The following FOXN3 variants were observed in gnomAD, a reference collection of about 807,000 sequenced individuals.
The protein encoded by FOXN3 is forkhead box protein N3.
A neutral mutation model predicts 38.4 loss-of-function variants in FOXN3; 7 were observed. The observed-to-expected ratio is 0.18, with a 90% CI of 0.10 to 0.34. FOXN3 has a LOEUF of 0.34. Among genes scored for constraint, FOXN3 ranks in the 10% least tolerant of loss-of-function variants. The pLI, the probability that FOXN3 is intolerant of heterozygous loss-of-function variation, is 1.00. For synonymous variants in FOXN3, 230 were observed against 242.2 expected (o/e 0.95, Z 0.47); for missense variants, 456 against 613.4 (o/e 0.74, Z 2.71).
chr14:89,553,832 T>A lies in FOXN3; in HGVS notation c.-15+65196A>T, dbSNP rs1895058661. ...TCAGAACGGTGAAAATAAAATCACT[T>A]TTTGCAGTTGTAAGGAGTCAACACA... On this transcript the variant is annotated intron_variant, in intron 1 of 6. Transcript: ENST00000345097. Among the ~76,000 whole-genome samples the A allele has an allele frequency of 4.6e-5, 7 of 152,244 alleles. No homozygotes were observed. In the South Asian group the frequency reaches 1.5e-3, roughly 32 times the overall value.
chr14:89,195,017 G>A (rs904076534), intron 4 of FOXN3, among the ~76,000 whole-genome samples: 5 of 152,084 alleles, frequency 3.3e-5, no homozygotes, highest in Admixed American at 6.6e-5. Context: ...TTTTTCTACG[G>A]TGAGAATTTT....
At chr14:89,489,315 T>G (rs771240265) in intron 1 of FOXN3, among the ~76,000 whole-genome samples, 2 of 152,254 alleles carry the variant, frequency 1.3e-5, no homozygotes, top group African/African-American at 4.8e-5. Flanking sequence ...TATAGAGGTA[T>G]AGAATTATCC....
At chr14:89,357,058 G>A (rs1017089354) in intron 2 of FOXN3, among the ~76,000 whole-genome samples, 2 of 152,068 alleles carry the variant, frequency 1.3e-5, no homozygotes, top group South Asian at 2.1e-4. Context: ...GACAGCTCCC[G>A]AATGTACTCT....
intron 1 of FOXN3, among the ~76,000 whole-genome samples, chr14:89,588,898 A>AT (rs779772191): frequency 6.6e-6 from 1 of 152,220 alleles, no homozygotes; most frequent in East Asian, 1.9e-4. Context: ...TCTAGTTCCC[A>AT]TGACTGAAAT....
intron 1 of FOXN3, among the ~76,000 whole-genome samples, chr14:89,468,543 A>G (rs1893029917): frequency 6.6e-6 from 1 of 152,162 alleles, no homozygotes; most frequent in African/African-American, 2.4e-5. Flanking sequence ...TATGATCTTG[A>G]GCAGATTATA....
intron 4 of FOXN3, among the ~76,000 whole-genome samples, chr14:89,238,181 C>T (rs1453901909): frequency 6.6e-6 from 1 of 152,134 alleles, no homozygotes; most frequent in African/African-American, 2.4e-5. Context: ...ACTGGGAATC[C>T]CCGCAGGTGA....
At chr14:89,288,759 TA>T (rs1886760334) in intron 3 of FOXN3, among the ~76,000 whole-genome samples, 2 of 89,234 alleles carry the variant, frequency 2.2e-5, no homozygotes, top group Non-Finnish European at 4.6e-5. Flanking sequence ...TATATATATA[TA>T]TATATATATG....
chr14:89,401,769 C>G, intron 2 of FOXN3: 1 of 409,126 alleles, frequency 2.4e-6, no homozygotes, highest in Non-Finnish European at 4.9e-6. Flanking sequence ...TCGAGGAGGA[C>G]AGTCACAGCC....
At chr14:89,293,904 T>C (rs1324832015) in intron 3 of FOXN3, among the ~76,000 whole-genome samples, 1 of 152,178 alleles carries the variant, frequency 6.6e-6, no homozygotes, top group Non-Finnish European at 1.5e-5. Context: ...CTGCCACAAA[T>C]GTCTGTTGAG....
At chr14:89,215,384 C>T (rs148374502) in intron 4 of FOXN3, among the ~76,000 whole-genome samples, 54 of 151,780 alleles carry the variant, frequency 3.6e-4, no homozygotes, top group Admixed American at 3.1e-3. Context: ...AGTAATATCC[C>T]AACAAGATAT....
intron 3 of FOXN3, among the ~76,000 whole-genome samples, chr14:89,325,042 A>C (rs1321550919): frequency 6.6e-6 from 1 of 152,180 alleles, no homozygotes; most frequent in Non-Finnish European, 1.5e-5. Flanking sequence ...AGGAAACTAA[A>C]AATGCAATTC....
intron 1 of FOXN3, among the ~76,000 whole-genome samples, chr14:89,480,352 G>A (rs968899266): frequency 7.3e-5 from 11 of 151,698 alleles, no homozygotes; most frequent in Non-Finnish European, 1.3e-4. Flanking sequence ...GCAGTGAGCC[G>A]AGACCGTGCC....
chr14:89,503,342 G>C (rs543576263), intron 1 of FOXN3, among the ~76,000 whole-genome samples: 1 of 151,636 alleles, frequency 6.6e-6, no homozygotes, highest in Admixed American at 6.6e-5. Context: ...TGGTTTATCT[G>C]AACACAGAAA....
At chr14:89,370,820 G>C (rs1890298223) in intron 2 of FOXN3, among the ~76,000 whole-genome samples, 1 of 152,214 alleles carries the variant, frequency 6.6e-6, no homozygotes, top group African/African-American at 2.4e-5. Flanking sequence ...ATCTACCCCA[G>C]TGAGGACGTA....
At chr14:89,277,799 C>T (rs1379230041) in intron 4 of FOXN3, among the ~76,000 whole-genome samples, 4 of 152,150 alleles carry the variant, frequency 2.6e-5, no homozygotes, top group Non-Finnish European at 5.9e-5. Context: ...TCCATTATTT[C>T]CTCTTCAGAC....
intron 3 of FOXN3, among the ~76,000 whole-genome samples, chr14:89,311,488 A>AG (rs1168178779): frequency 6.7e-6 from 1 of 149,440 alleles, no homozygotes; most frequent in African/African-American, 2.5e-5. Flanking sequence ...AAAAAAAAAA[A>AG]AAAAAGGTGT....
intron 1 of FOXN3, among the ~76,000 whole-genome samples, chr14:89,545,854 CAAACT>C (rs1402411669): frequency 6.6e-6 from 1 of 152,164 alleles, no homozygotes; most frequent in African/African-American, 2.4e-5. Context: ...CACTGCTCCC[CAAACT>C]AACCTTTCCC....
chr14:89,556,626 G>T (rs900321569), intron 1 of FOXN3, among the ~76,000 whole-genome samples: 7 of 152,242 alleles, frequency 4.6e-5, no homozygotes, highest in Admixed American at 3.3e-4. Context: ...CTAGGAAGGG[G>T]TAAGGGAGGA....
chr14:89,301,891 G>A lies in FOXN3; in HGVS notation c.681-20877C>T, dbSNP rs181258511. On this transcript the variant is annotated intron_variant, in intron 3 of 5. Transcript: ENST00000557258. ...TACTTCCAACTGAGCAGAAAGGCCC[G>A]GCCCGACCTCAAAGGTACCCTGTCT... Among the ~76,000 whole-genome samples the A allele has an allele frequency of 2.4e-4, 36 of 152,224 alleles. 1 individual carries two copies. Among genetic ancestry groups the A allele is most frequent in the African/African-American group, 7.7e-4 (32 of 41,530 alleles).
Sources: allele counts gnomAD v4.1 joint callset (sites outside exome capture counted in the v4.1 genomes callset), GRCh38; gene constraint gnomAD v4.1.1; transcripts MANE v1.5; gene names NCBI Gene and HGNC (gene_info 2026-07-23, HGNC 2026-07-21).